Variants in MIA3 observed in about 807,000 individuals in gnomAD.
MIA3 encodes transport and Golgi organization protein 1 homolog.
Under a neutral mutation model 192.4 loss-of-function variants are expected in MIA3, and 90 were observed. The ratio of observed to expected loss-of-function variants is 0.47; its 90% CI spans 0.39 to 0.56. The LOEUF (loss-of-function observed/expected upper bound fraction) is 0.56. Ranked by LOEUF, MIA3 falls within the 20% of genes least tolerant of loss-of-function variation. The pLI is 0.00. For missense variants in MIA3, 2,123 were observed against 2,269.4 expected (o/e 0.94, Z 1.31); for synonymous variants, 740 against 792.8 (o/e 0.93, Z 1.12).
At chr1:222,632,916 G>A (rs1467746213) in intron 5 of MIA3, among the ~76,000 whole-genome samples, 188 bp from the exon 6 acceptor site, 1 of 152,208 alleles carries the variant, frequency 6.6e-6, no homozygotes, top group Non-Finnish European at 1.5e-5. Context: ...ACACTGTAGT[G>A]TGTAATAGTC....
intron 6 of MIA3, among the ~76,000 whole-genome samples, chr1:222,643,750 G>C (rs569550247): frequency 4.5e-4 from 68 of 152,000 alleles, no homozygotes; most frequent in Non-Finnish European, 6.6e-4. Context: ...GGGCAACATA[G>C]GGAGACTCCC....
At chr1:222,621,322 C>T (rs767998003) in intron 2 of MIA3, 30 bp downstream of exon 2, 4 of 1,589,496 alleles carry the variant, frequency 2.5e-6, no homozygotes, top group South Asian at 1.2e-5. Context: ...ACTTTATTTG[C>T]TTAATTTTTA....
At chr1:222,642,250 A>T (rs958606063) in intron 6 of MIA3, among the ~76,000 whole-genome samples, 11 of 152,280 alleles carry the variant, frequency 7.2e-5, no homozygotes, top group African/African-American at 2.6e-4. Context: ...TGTGCACTTT[A>T]AATACATATA....
intron 4 of MIA3, 30 bp downstream of exon 4, chr1:222,630,419 G>A: frequency 1.3e-6 from 2 of 1,548,938 alleles, no homozygotes; most frequent in East Asian, 4.5e-5. Flanking sequence ...GTAGAACAGG[G>A]CTGGAGAAGC....
At chr1:222,647,456 C>T (rs1373154564) in intron 7 of MIA3, among the ~76,000 whole-genome samples, 1 of 152,142 alleles carries the variant, frequency 6.6e-6, no homozygotes, top group Non-Finnish European at 1.5e-5. Context: ...AATTATATCA[C>T]ATATATCATC....
intron 18 of MIA3, among the ~76,000 whole-genome samples, chr1:222,656,361 G>T (rs1056854662): frequency 3.9e-5 from 6 of 152,094 alleles, no homozygotes; most frequent in Admixed American, 1.3e-4. Flanking sequence ...TCTTTCTGCT[G>T]GTTCTGGAAT....
chr1:222,628,833 G>C lies in MIA3; in HGVS notation c.1613G>C (p.Gly538Ala). The C allele has an allele frequency of 6.2e-7, 1 of 1,614,098 alleles. No homozygotes were observed. Among genetic ancestry groups the C allele is most frequent in the Admixed American group, 1.7e-5 (1 of 60,028 alleles). ...LKGAAIHISK[G>A]MLHEEKPGEQ... ...GGAGCAGCTATTCATATCTCAAAAG[G>C]AATGCTCCACGAAGAAAAGCCTGGA... is the stretch of plus-strand genomic sequence containing the variant. Residue 538 changes from glycine (G) to alanine (A), a missense_variant, in exon 4 of 28, where the codon GGA becomes GCA. Coordinates refer to ENST00000344922, the MANE Select transcript of MIA3 (RefSeq NM_198551.4).
chr1:222,636,289 T>A (rs1302144669), intron 6 of MIA3, among the ~76,000 whole-genome samples: 1 of 152,192 alleles, frequency 6.6e-6, no homozygotes, highest in Non-Finnish European at 1.5e-5. Flanking sequence ...GTTTTTTGTG[T>A]GTCAGTTCAC....
Position 222,618,243 on chromosome 1 carries a change from A to G in MIA3, c.133A>G (p.Met45Val). ...ACTCTGCGCGGACGACGAATGCAGC[A>G]GTGAGTGCGCTGGAGGGGCGGCTGG... is the stretch of plus-strand genomic sequence containing the variant. ...HKLCADDECSMLMYRGEALED... is the reference protein window; with the variant it reads ...HKLCADDECSVLMYRGEALED... Residue 45 changes from methionine to valine, a missense_variant and splice_region_variant, in exon 1 of 28, where the codon ATG becomes GTG. Around this residue, in one of 3 missense-constraint regions of MIA3, gnomAD observed 1,357 missense variants for 1,396.1 expected, o/e 0.97. Coordinates refer to ENST00000344922, the MANE Select transcript of MIA3 (RefSeq NM_198551.4). The G allele has an allele frequency of 6.8e-7, 1 of 1,466,992 alleles. No homozygotes were observed. Among genetic ancestry groups the G allele is most frequent in the Non-Finnish European group, 9.1e-7 (1 of 1,101,550 alleles). The allele number at this position is 1,466,992 out of a possible 1,614,324, so 90.9% of individuals were successfully genotyped here.
intron 6 of MIA3, chr1:222,644,279 G>A: frequency 1.4e-6 from 2 of 1,394,842 alleles, no homozygotes; most frequent in Middle Eastern, 2.7e-4. Flanking sequence ...GGTGCCTTGA[G>A]GTGCGCCAGG....
intron 9 of MIA3, 75 bp from the exon 10 acceptor site, chr1:222,650,559 G>T: frequency 9.5e-7 from 1 of 1,054,166 alleles, no homozygotes; most frequent in Non-Finnish European, 1.4e-6. Flanking sequence ...TCTGTAAGAG[G>T]TCAGTCACTT....
At chr1:222,619,612 C>T (rs559748536) in intron 1 of MIA3, among the ~76,000 whole-genome samples, 151 of 152,340 alleles carry the variant, frequency 9.9e-4, no homozygotes, top group Non-Finnish European at 1.6e-3. Flanking sequence ...TACCCATTTG[C>T]CGTTGGCAAT....
At position 222,665,523 on chromosome 1, in the gene MIA3, A is replaced by G. The variant is rs1180070602; in HGVS notation, c.5628A>G (p.Val1876=). 1.2e-6 allele frequency: 2 copies of G among 1,614,106 alleles called. No homozygotes were observed. Among genetic ancestry groups the G allele is most frequent in the South Asian group, 1.1e-5 (1 of 91,078 alleles). Residue 1876 remains valine (V), a synonymous_variant, in exon 28 of 28, where the codon GTA becomes GTG. Coordinates refer to ENST00000344922, the MANE Select transcript of MIA3 (RefSeq NM_198551.4). ...AGGAATACCCACCACCACCTGCTGT[A>G]AGAGACTTACTGCCGTCAGGCTCTA... The part of the protein sequence containing the change: ...GPQEYPPPPA[V]RDLLPSGSRD...
intron 1 of MIA3, among the ~76,000 whole-genome samples, 174 bp downstream of exon 1, chr1:222,618,417 C>T (rs1309592615): frequency 6.6e-6 from 1 of 152,088 alleles, no homozygotes; most frequent in Non-Finnish European, 1.5e-5. Flanking sequence ...TGGGCGCGCT[C>T]CGGGTCCCTG....
At chr1:222,643,513 ACTCGAAGAGAGAC>A (rs750047360) in intron 6 of MIA3, among the ~76,000 whole-genome samples, 72 of 151,768 alleles carry the variant, frequency 4.7e-4, no homozygotes, top group Non-Finnish European at 9.4e-4. Context: ...TTTATATTCA[ACTCGAAGAGAGAC>A]CTTTAAAGGT....
chr1:222,637,078 G>C (rs1443993405), intron 6 of MIA3, among the ~76,000 whole-genome samples: 7 of 152,170 alleles, frequency 4.6e-5, no homozygotes, highest in Admixed American at 4.6e-4. Context: ...TGTTTAGTTT[G>C]CTTGTTGCTT....
At chr1:222,644,564 C>A in intron 6 of MIA3, 1 of 1,550,608 alleles carries the variant, frequency 6.4e-7, no homozygotes, top group Non-Finnish European at 8.7e-7. Context: ...CTCTACGCAG[C>A]CTTCATAGCC....
Position 222,653,019 on chromosome 1 carries a change from A to T in MIA3, c.4098A>T (p.Glu1366Asp). 6.2e-7 allele frequency: 1 copy of T among 1,610,896 alleles called. No individual in the cohort carries two copies. Among genetic ancestry groups the T allele is most frequent in the Non-Finnish European group, 8.5e-7 (1 of 1,177,610 alleles). ...TTTTAACTTTGCAGTTGCAGCAGGAAATCGAAGACTGGAGTAAATTACATG... is the reference window on the plus strand; with the variant it reads ...TTTTAACTTTGCAGTTGCAGCAGGATATCGAAGACTGGAGTAAATTACATG... Reference protein sequence around the residue: ...LKKKKEQLQQEIEDWSKLHAE... With the variant: ...LKKKKEQLQQDIEDWSKLHAE... The change falls in exon 14 of 28, where the codon GAA becomes GAT. Residue 1366 changes from glutamate (E) to aspartate (D), a missense_variant. Physicochemically the swap from Glu to Asp is conservative, Grantham distance 45. Coordinates refer to ENST00000344922, the MANE Select transcript of MIA3 (RefSeq NM_198551.4).
At chr1:222,645,859 A>G in intron 7 of MIA3, 174 bp downstream of exon 7, 1 of 560,452 alleles carries the variant, frequency 1.8e-6, no homozygotes, top group South Asian at 2.3e-5. Flanking sequence ...TAAGTGAATA[A>G]GACAACATGT....
Sources: allele counts gnomAD v4.1 joint callset (sites outside exome capture counted in the v4.1 genomes callset), GRCh38; gene constraint gnomAD v4.1.1; regional missense constraint gnomAD v4.1.1; transcripts MANE v1.5; gene names NCBI Gene and HGNC (gene_info 2026-07-23, HGNC 2026-07-21).